The following GAP43 variants were observed in gnomAD, a reference collection of about 807,000 sequenced individuals.
The protein encoded by GAP43 is neuromodulin.
In GAP43, 6 loss-of-function variants were observed where a neutral mutation model predicts 18.6. The ratio of observed to expected loss-of-function variants is 0.32; its 90% CI spans 0.18 to 0.64. The LOEUF is 0.64. Among genes scored for constraint, GAP43 ranks in the 30% least tolerant of loss-of-function variants. The pLI is 0.78. For missense variants in GAP43, 292 were observed against 295.5 expected (o/e 0.99, Z 0.09); for synonymous variants, 115 against 111.4 (o/e 1.03, Z -0.20).
At chr3:115,704,916 A>G (rs1709341825) in intron 2 of GAP43, among the ~76,000 whole-genome samples, 1 of 152,140 alleles carries the variant, frequency 6.6e-6, no homozygotes, top group South Asian at 2.1e-4. Flanking sequence ...AATTTCATGA[A>G]CAACTACAAG....
At chr3:115,717,954 G>C (rs1709532461) in intron 2 of GAP43, among the ~76,000 whole-genome samples, 1 of 152,106 alleles carries the variant, frequency 6.6e-6, no homozygotes. Context: ...TTCCAACAAG[G>C]GAACAGAAAG....
chr3:115,664,017 TAACTA>T (rs1226082048), intron 1 of GAP43: 1 of 1,084,740 alleles, frequency 9.2e-7, no homozygotes, highest in Admixed American at 2.4e-5. Flanking sequence ...CTTAATTACT[TAACTA>T]ATGTCCTTCT....
chr3:115,704,007 T>C (rs79908676), intron 2 of GAP43, among the ~76,000 whole-genome samples: 3,938 of 152,232 alleles, frequency 0.026, 89 homozygotes, highest in Non-Finnish European at 0.041. Flanking sequence ...AGTGATTTTT[T>C]ACTCAAAAGC....
At chr3:115,702,897 G>GTCTT (rs1165902529) in intron 2 of GAP43, among the ~76,000 whole-genome samples, 1 of 152,160 alleles carries the variant, frequency 6.6e-6, no homozygotes, top group Non-Finnish European at 1.5e-5. Context: ...TCATCTCTGA[G>GTCTT]TCTTACGGGA....
chr3:115,659,596 G>A (rs1708630827), intron 1 of GAP43, among the ~76,000 whole-genome samples: 1 of 151,406 alleles, frequency 6.6e-6, no homozygotes, highest in South Asian at 2.1e-4. Flanking sequence ...TGAAAGGAGA[G>A]CGAAAAATTA....
intron 2 of GAP43, among the ~76,000 whole-genome samples, chr3:115,719,208 GA>G (rs1216593340): frequency 2.0e-5 from 3 of 151,992 alleles, no homozygotes; most frequent in African/African-American, 7.3e-5. Flanking sequence ...TTAAGAGGAG[GA>G]CAAGCAATAA....
intron 1 of GAP43, among the ~76,000 whole-genome samples, chr3:115,637,577 G>A (rs1045261292): frequency 4.6e-5 from 7 of 151,936 alleles, no homozygotes; most frequent in East Asian, 1.9e-4. Context: ...GTTATTCAGC[G>A]TTTTGTCCTT....
At chr3:115,629,819 G>A (rs1708239914) in intron 1 of GAP43, among the ~76,000 whole-genome samples, 1 of 152,038 alleles carries the variant, frequency 6.6e-6, no homozygotes, top group Non-Finnish European at 1.5e-5. Context: ...TCTTTTCACA[G>A]GCTGTAGCAT....
Position 115,690,450 on chromosome 3 carries a change from G to A in GAP43, c.628+13840G>A, listed in dbSNP as rs1709094776. Among the ~76,000 whole-genome samples the A allele has an allele frequency of 3.3e-5, 5 of 152,128 alleles. No individual in the cohort carries two copies. In the South Asian group the frequency reaches 6.2e-4, roughly 19 times the overall value. ...TTTTACTTTGAACACCTCATAAAGA[G>A]ACAGTCTTGGAACTGGACAGTCCTG... On this transcript the variant is annotated intron_variant, in intron 2 of 2. Coordinates refer to ENST00000305124, the MANE Select transcript of GAP43 (RefSeq NM_002045.4).
At chr3:115,664,171 C>G (rs1282011096) in intron 1 of GAP43, among the ~76,000 whole-genome samples, 1 of 146,172 alleles carries the variant, frequency 6.8e-6, no homozygotes, top group Non-Finnish European at 1.5e-5. Flanking sequence ...TAGAAGAGTG[C>G]TTGACATATA....
chr3:115,696,412 C>T lies in GAP43; in HGVS notation c.628+19802C>T, dbSNP rs114411851. The stretch of plus-strand genomic sequence containing the variant: ...ATATCCAGAATCTCAGCACATCTCA[C>T]TTTTTCTAGCACCCATCTCACTTCA... On this transcript the variant is annotated intron_variant, in intron 2 of 2. Coordinates refer to ENST00000305124, the MANE Select transcript of GAP43 (RefSeq NM_002045.4). Among the ~76,000 whole-genome samples the T allele has an allele frequency of 3.6e-3, 546 of 152,184 alleles. 6 individuals are homozygous for T. Among genetic ancestry groups the T allele is most frequent in the African/African-American group, 0.013 (527 of 41,524 alleles).
At chr3:115,683,141 G>GCA (rs1472371618) in intron 2 of GAP43, among the ~76,000 whole-genome samples, 12 of 121,322 alleles carry the variant, frequency 9.9e-5, no homozygotes, top group African/African-American at 2.7e-4. Flanking sequence ...GCGTGCGCGC[G>GCA]CGCGCGCACA....
At position 115,709,261 on chromosome 3, in the gene GAP43, T is replaced by C. The variant is rs116368992; in HGVS notation, c.629-11533T>C. Among the ~76,000 whole-genome samples the C allele has an allele frequency of 3.8e-3, 578 of 152,300 alleles. 6 individuals carry two copies. Among genetic ancestry groups the C allele is most frequent in the African/African-American group, 0.013 (557 of 41,562 alleles). On this transcript the variant is annotated intron_variant, in intron 2 of 2. Transcript: ENST00000305124. The stretch of plus-strand genomic sequence containing the variant: ...TCTTGCTTTTGCAGCGAGAGTTCTT[T>C]AGCATTTTTTAATGCCTTTAGGCAA...
chr3:115,625,925 A>G (rs1054656629), intron 1 of GAP43, among the ~76,000 whole-genome samples: 1 of 152,240 alleles, frequency 6.6e-6, no homozygotes, highest in Non-Finnish European at 1.5e-5. Context: ...TTAAAGGTAT[A>G]GAAATTGTCC....
Position 115,623,693 on chromosome 3 carries a change from C to T in GAP43, c.4C>T (p.Leu2=), listed in dbSNP as rs1708143259. 6.2e-7 allele frequency: 1 copy of T among 1,614,046 alleles called. No homozygotes were observed. Among genetic ancestry groups the T allele is most frequent in the African/African-American group, 1.3e-5 (1 of 74,930 alleles). Reference sequence around the variant, plus strand: ...GAAGGCAAGGGACGAGACAACCATGCTGTGCTGTATGAGAAGAACCAAACA... The same window carrying T: ...GAAGGCAAGGGACGAGACAACCATGTTGTGCTGTATGAGAAGAACCAAACA... M[L]CCMRRTKQVE... The change falls in exon 1 of 3, where the codon CTG becomes TTG. Residue 2 remains leucine, a synonymous_variant. Transcript: ENST00000305124.
intron 1 of GAP43, among the ~76,000 whole-genome samples, chr3:115,632,939 A>G (rs1207066834): frequency 6.6e-6 from 1 of 152,008 alleles, no homozygotes; most frequent in African/African-American, 2.4e-5. Flanking sequence ...AGAACACACT[A>G]CTTCTATTAT....
At chr3:115,665,590 A>G (rs1708722100) in intron 1 of GAP43, among the ~76,000 whole-genome samples, 1 of 152,212 alleles carries the variant, frequency 6.6e-6, no homozygotes, top group South Asian at 2.1e-4. Context: ...AATTTAAACC[A>G]CTGTCATTTC....
chr3:115,665,792 A>G (rs1708724826), intron 1 of GAP43, among the ~76,000 whole-genome samples: 1 of 152,178 alleles, frequency 6.6e-6, no homozygotes, highest in South Asian at 2.1e-4. Context: ...AATGATCTTC[A>G]GTACCAGATG....
chr3:115,643,387 C>T (rs1443003268), intron 1 of GAP43, among the ~76,000 whole-genome samples: 1 of 152,018 alleles, frequency 6.6e-6, no homozygotes, highest in Admixed American at 6.6e-5. Context: ...GAGCCTGTTT[C>T]TCTAGCCTTG....
Sources: gnomAD v4.1 joint callset for allele counts (sites outside exome capture counted in the v4.1 genomes callset) on GRCh38, gnomAD v4.1.1 for gene constraint, MANE v1.5 for transcripts, NCBI Gene and HGNC (gene_info 2026-07-23, HGNC 2026-07-21) for gene names.